The following NAV2 variants were observed in gnomAD, a reference collection of about 807,000 sequenced individuals.
NAV2 encodes the protein helicase, APC down-regulated 1.
NAV2 carries 54 observed loss-of-function variants against 223.2 expected under a neutral mutation model. The observed-to-expected ratio is 0.24, with a 90% confidence interval of 0.19 to 0.30. NAV2 has a LOEUF of 0.30. Among genes scored for constraint, NAV2 ranks in the 10% least tolerant of loss-of-function variants. The probability of loss-of-function intolerance (pLI) is 1.00; values close to 1 mark genes in which losing one functional copy is unlikely to be tolerated. For missense variants in NAV2, 2,806 were observed against 3,147.5 expected (o/e 0.89, Z 2.60); for synonymous variants, 1,279 against 1,239.3 (o/e 1.03, Z -0.67).
At chr11:19,641,932 A>G (rs375633900) in intron 1 of NAV2, among the ~76,000 whole-genome samples, 1 of 152,016 alleles carries the variant, frequency 6.6e-6, no homozygotes, top group African/African-American at 2.4e-5. Context: ...TCCCATTTCT[A>G]CCTAAAATTC....
chr11:19,375,213 G>A (rs188441846), intron 1 of NAV2, among the ~76,000 whole-genome samples: 29 of 152,282 alleles, frequency 1.9e-4, no homozygotes, highest in South Asian at 1.2e-3. Flanking sequence ...TTAGCTTTGA[G>A]TAGTTACAGT....
At chr11:19,701,133 G>T (rs1021065595) in intron 1 of NAV2, among the ~76,000 whole-genome samples, 2 of 152,146 alleles carry the variant, frequency 1.3e-5, no homozygotes, top group African/African-American at 2.4e-5. Flanking sequence ...AAGTCTGCCA[G>T]ATCCAGCCTC....
intron 1 of NAV2, among the ~76,000 whole-genome samples, chr11:19,783,181 T>G (rs994281716): frequency 2.6e-5 from 4 of 152,146 alleles, no homozygotes; most frequent in Non-Finnish European, 5.9e-5. Flanking sequence ...AGCTATAGCT[T>G]TGCCTATTTT....
intron 6 of NAV2, among the ~76,000 whole-genome samples, chr11:19,917,111 C>G (rs2043866908): frequency 6.6e-6 from 1 of 152,184 alleles, no homozygotes; most frequent in African/African-American, 2.4e-5. Context: ...CCTGCCCAGC[C>G]TAGATGCTTC....
chr11:19,358,918 C>T (rs1853774797), intron 1 of NAV2, among the ~76,000 whole-genome samples: 1 of 152,140 alleles, frequency 6.6e-6, no homozygotes, highest in African/African-American at 2.4e-5. Context: ...CACTTTGCAC[C>T]TCACATGTGT....
In NAV2 at chr11:19,619,437, T is replaced by C. The variant is rs905092956; in HGVS notation, c.76-213047T>C. Among the ~76,000 whole-genome samples, 2 of 152,172 alleles carry C rather than the reference T, an allele frequency of 1.3e-5. 1 individual carries two copies. The highest frequency in any genetic ancestry group is 2.9e-5 in the Non-Finnish European group (2 of 68,022). ...CCAGCACCTGTTGTTTCCTGACTTT[T>C]TGATGATCACCATTCTAACTGGTGT... On this transcript the variant is annotated intron_variant, in intron 1 of 37. Transcript: ENST00000360655.
intron 1 of NAV2, chr11:19,502,874 C>A (rs1038440964): frequency 2.0e-5 from 3 of 152,130 alleles, no homozygotes; most frequent in African/African-American, 4.8e-5. Flanking sequence ...GCGGAGAATA[C>A]AAACTGCCAG....
intron 37 of NAV2, among the ~76,000 whole-genome samples, chr11:20,117,132 G>C (rs559608338): frequency 1.3e-5 from 2 of 152,162 alleles, no homozygotes; most frequent in African/African-American, 4.8e-5. Flanking sequence ...CCCTAGCTCA[G>C]AGAGGCCCCA....
intron 1 of NAV2, among the ~76,000 whole-genome samples, chr11:19,723,823 C>T (rs2050984870): frequency 1.3e-5 from 2 of 152,218 alleles, no homozygotes. Context: ...GGCTGCAGCT[C>T]TGCAGACAGT....
At chr11:19,939,921 T>TTG (rs1201564294) in intron 8 of NAV2, 148 bp downstream of exon 8, 3 of 563,646 alleles carry the variant, frequency 5.3e-6, no homozygotes, top group Non-Finnish European at 9.2e-6. Flanking sequence ...CTTTTTTTTT[T>TTG]TCCTATTATT....
At chr11:19,740,780 G>A (rs944215912) in intron 1 of NAV2, among the ~76,000 whole-genome samples, 1 of 152,078 alleles carries the variant, frequency 6.6e-6, no homozygotes, top group African/African-American at 2.4e-5. Context: ...GTTTTCTCCA[G>A]TCCTCACAAA....
At chr11:19,716,267 C>T (rs1590154151) in intron 1 of NAV2, among the ~76,000 whole-genome samples, 1 of 152,258 alleles carries the variant, frequency 6.6e-6, no homozygotes, top group African/African-American at 2.4e-5. Context: ...GATAACATAG[C>T]TTTTAAAGTC....
intron 1 of NAV2, among the ~76,000 whole-genome samples, chr11:19,578,275 A>G (rs113585254): frequency 2.0e-3 from 307 of 152,354 alleles, no homozygotes; most frequent in African/African-American, 7.2e-3. Context: ...TAGCTGCTGT[A>G]ATGGCTTTCC....
In NAV2 at chr11:19,461,431, C is replaced by T. The variant is rs182090325; in HGVS notation, c.75+110404C>T. 3.2e-3 allele frequency among the ~76,000 whole-genome samples: 490 copies of T among 152,224 alleles called. 2 individuals carry two copies. Among genetic ancestry groups the T allele is most frequent in the African/African-American group, 0.012 (484 of 41,518 alleles). On this transcript the variant is annotated intron_variant, in intron 1 of 37. Coordinates refer to the NAV2 transcript ENST00000360655. The stretch of plus-strand genomic sequence containing the variant: ...TGAAAGAAGAGGTTTGGGACTTGTG[C>T]GTTTTATGTGGTTTTAGGCATTAAC...
At chr11:20,070,213 G>A (rs2059314249) in intron 22 of NAV2, among the ~76,000 whole-genome samples, 1 of 152,270 alleles carries the variant, frequency 6.6e-6, no homozygotes, top group East Asian at 1.9e-4. Flanking sequence ...ATAACTAGAT[G>A]TGTAGATTTG....
intron 4 of NAV2, among the ~76,000 whole-genome samples, chr11:19,870,605 T>C (rs1048348313): frequency 9.2e-5 from 14 of 152,092 alleles, no homozygotes; most frequent in African/African-American, 3.1e-4. Context: ...ATCCTCTCTG[T>C]ACCCCAAGGC....
At chr11:19,418,103 G>A (rs1276453258) in intron 1 of NAV2, among the ~76,000 whole-genome samples, 4 of 152,102 alleles carry the variant, frequency 2.6e-5, no homozygotes, top group Non-Finnish European at 4.4e-5. Flanking sequence ...ATGTATCTCA[G>A]AACTCAAATT....
At chr11:19,557,373 C>T (rs1463024988) in intron 1 of NAV2, among the ~76,000 whole-genome samples, 1 of 152,206 alleles carries the variant, frequency 6.6e-6, no homozygotes, top group African/African-American at 2.4e-5. Flanking sequence ...CTACGGCTTA[C>T]GATGAGTAAA....
chr11:19,451,857 T>C (rs1005682729), intron 1 of NAV2, among the ~76,000 whole-genome samples: 1 of 152,160 alleles, frequency 6.6e-6, no homozygotes, highest in Non-Finnish European at 1.5e-5. Flanking sequence ...GGCTGGAGTC[T>C]AGAGAGTGAC....
Sources: allele counts gnomAD v4.1 joint callset (sites outside exome capture counted in the v4.1 genomes callset), GRCh38; gene constraint gnomAD v4.1.1; transcripts MANE v1.5; gene names NCBI Gene and HGNC (gene_info 2026-07-23, HGNC 2026-07-21).